Variants in ARHGAP28 observed in about 807,000 individuals in gnomAD.
ARHGAP28 encodes rho GTPase-activating protein 28.
A neutral mutation model predicts 90.7 loss-of-function variants in ARHGAP28; 56 were observed. That is an observed-to-expected ratio of 0.62 (90% CI 0.50 to 0.77). The LOEUF (loss-of-function observed/expected upper bound fraction) is 0.77, where lower values mean the gene tolerates loss of function less well. Among genes scored for constraint, ARHGAP28 ranks in the 30% least tolerant of loss-of-function variants. The probability of loss-of-function intolerance (pLI) is 0.00; values close to 1 mark genes in which losing one functional copy is unlikely to be tolerated. For missense variants in ARHGAP28, 869 were observed against 900.9 expected, an observed-to-expected ratio of 0.96 and a Z score of 0.45; for synonymous variants, 308 against 323.3, an observed-to-expected ratio of 0.95 and a Z score of 0.51.
At chr18:6,826,748 C>T (rs187794881) in intron 2 of ARHGAP28, among the ~76,000 whole-genome samples, 2,927 of 145,352 alleles carry the variant, frequency 0.02, 37 homozygotes, top group South Asian at 0.051. Context: ...GGGATTTGGC[C>T]GGGTCATAGG....
intron 2 of ARHGAP28, among the ~76,000 whole-genome samples, chr18:6,827,102 C>T (rs369587990): frequency 1.3e-5 from 2 of 152,202 alleles, no homozygotes; most frequent in African/African-American, 2.4e-5. Flanking sequence ...TACACAGACA[C>T]GGCAACCATC....
intron 1 of ARHGAP28, among the ~76,000 whole-genome samples, chr18:6,810,132 G>C (rs1157522997): frequency 2.0e-5 from 3 of 152,042 alleles, no homozygotes; most frequent in Non-Finnish European, 2.9e-5. Context: ...CTTTATCTCT[G>C]TATGAATTCC....
At chr18:6,800,920 C>A (rs1430735575) in intron 1 of ARHGAP28, among the ~76,000 whole-genome samples, 1 of 152,150 alleles carries the variant, frequency 6.6e-6, no homozygotes, top group African/African-American at 2.4e-5. Context: ...ATTCTGGATA[C>A]AAGTACTTTA....
chr18:6,750,743 C>T (rs541915848), intron 1 of ARHGAP28, among the ~76,000 whole-genome samples: 1 of 152,266 alleles, frequency 6.6e-6, no homozygotes, highest in East Asian at 1.9e-4. Context: ...ACCCTGATTA[C>T]CTTACCTAAT....
At chr18:6,753,851 AGGTT>A (rs2056088828) in intron 1 of ARHGAP28, among the ~76,000 whole-genome samples, 1 of 152,188 alleles carries the variant, frequency 6.6e-6, no homozygotes, top group Non-Finnish European at 1.5e-5. Context: ...GAGACAGAAG[AGGTT>A]GCTGAAATTC....
At chr18:6,865,555 G>A (rs2057031885) in intron 5 of ARHGAP28, among the ~76,000 whole-genome samples, 1 of 152,162 alleles carries the variant, frequency 6.6e-6, no homozygotes, top group Admixed American at 6.5e-5. Flanking sequence ...ATATAGCACA[G>A]AAACTCAAAC....
At chr18:6,859,727 G>A (rs1473724153) in intron 4 of ARHGAP28, 81 bp from the exon 5 acceptor site, 2 of 1,350,010 alleles carry the variant, frequency 1.5e-6, no homozygotes, top group Non-Finnish European at 2.1e-6. Context: ...ACATATCTCA[G>A]TATGAACACA....
chr18:6,823,216 G>A (rs572073519), intron 1 of ARHGAP28, among the ~76,000 whole-genome samples: 3 of 151,892 alleles, frequency 2.0e-5, no homozygotes, highest in South Asian at 4.2e-4. Flanking sequence ...ATTCCTCCCT[G>A]CCCCATCCCA....
chr18:6,745,647 C>T (rs1037645293), intron 1 of ARHGAP28, among the ~76,000 whole-genome samples: 2 of 152,166 alleles, frequency 1.3e-5, no homozygotes, highest in African/African-American at 4.8e-5. Flanking sequence ...TTACTCCTTC[C>T]AGGCAACCCG....
chr18:6,793,486 A>C (rs1449033746), intron 1 of ARHGAP28, among the ~76,000 whole-genome samples: 2 of 152,212 alleles, frequency 1.3e-5, no homozygotes, highest in East Asian at 3.8e-4. Flanking sequence ...ATAGGGTGGA[A>C]GAAGAGAGTT....
At chr18:6,847,514 A>G (rs1376123658) in intron 3 of ARHGAP28, among the ~76,000 whole-genome samples, 2 of 152,094 alleles carry the variant, frequency 1.3e-5, no homozygotes, top group Non-Finnish European at 2.9e-5. Flanking sequence ...GCATCAGGCA[A>G]GCAGAGGCCA....
Position 6,896,486 on chromosome 18 carries a change from TTC to T in ARHGAP28, c.1906-13_1906-12del. ...CCTAGTTTGACAGACTGTACTGAATTTCTCCTCCTTGGCAGTCTGACGTGCCG... is the reference window on the plus strand; with the variant it reads ...CCTAGTTTGACAGACTGTACTGAATTTCCTCCTTGGCAGTCTGACGTGCCG... On this transcript the variant is annotated splice_polypyrimidine_tract_variant and intron_variant, in intron 15 of 17. Transcript: ENST00000383472. The T allele has an allele frequency of 6.2e-7, 1 of 1,613,656 alleles. No individual in the cohort carries two copies. Among genetic ancestry groups the T allele is most frequent in the East Asian group, 2.2e-5 (1 of 44,874 alleles).
chr18:6,813,002 G>A (rs1212317807), intron 1 of ARHGAP28, among the ~76,000 whole-genome samples: 1 of 152,190 alleles, frequency 6.6e-6, no homozygotes, highest in Non-Finnish European at 1.5e-5. Context: ...ACTGGAGAGG[G>A]TGAGGTAGAG....
intron 4 of ARHGAP28, among the ~76,000 whole-genome samples, chr18:6,854,037 AC>A (rs1436618577): frequency 2.0e-5 from 3 of 152,208 alleles, no homozygotes; most frequent in Non-Finnish European, 4.4e-5. Context: ...TTTTGGGTTC[AC>A]AATGGCAACT....
intron 2 of ARHGAP28, among the ~76,000 whole-genome samples, chr18:6,831,229 G>T (rs1367051073): frequency 6.6e-6 from 1 of 152,062 alleles, no homozygotes; most frequent in Non-Finnish European, 1.5e-5. Context: ...CATGCATCTT[G>T]CTTTGTGAAA....
At chr18:6,853,365 G>A (rs1015928950) in intron 4 of ARHGAP28, among the ~76,000 whole-genome samples, 2 of 152,000 alleles carry the variant, frequency 1.3e-5, no homozygotes, top group African/African-American at 4.8e-5. Flanking sequence ...TCTCTCTAAA[G>A]CCTGCTACTT....
chr18:6,823,129 G>T (rs1341363222), intron 1 of ARHGAP28, among the ~76,000 whole-genome samples: 1 of 152,068 alleles, frequency 6.6e-6, no homozygotes, highest in Admixed American at 6.6e-5. Flanking sequence ...AATTCCACCT[G>T]AACCCAAAGA....
intron 3 of ARHGAP28, among the ~76,000 whole-genome samples, chr18:6,839,451 G>A (rs779453037): frequency 1.1e-4 from 16 of 152,010 alleles, no homozygotes; most frequent in South Asian, 2.1e-4. Flanking sequence ...CAGCCACCAC[G>A]CCTGGCTAAT....
At chr18:6,806,865 A>C (rs1195539216) in intron 1 of ARHGAP28, among the ~76,000 whole-genome samples, 1 of 152,058 alleles carries the variant, frequency 6.6e-6, no homozygotes, top group African/African-American at 2.4e-5. Flanking sequence ...TTATTTTCAA[A>C]GGATATTTTC....
Sources: gnomAD v4.1 joint callset for allele counts (sites outside exome capture counted in the v4.1 genomes callset) on GRCh38, gnomAD v4.1.1 for gene constraint, MANE v1.5 for transcripts, NCBI Gene and HGNC (gene_info 2026-07-23, HGNC 2026-07-21) for gene names.